The following MYO1F variants were observed in gnomAD, a reference collection of about 807,000 sequenced individuals.
MYO1F encodes the protein myosin IF, also known as unconventional myosin-If.
In MYO1F, 60 loss-of-function variants were observed where a neutral mutation model predicts 146.6. That is an observed-to-expected ratio of 0.41 (90% CI 0.33 to 0.51). The LOEUF (loss-of-function observed/expected upper bound fraction) is 0.51. Among genes scored for constraint, MYO1F ranks in the 20% least tolerant of loss-of-function variants. MYO1F has a pLI of 0.25. For missense variants in MYO1F, 1,274 were observed against 1,534.3 expected (o/e 0.83, Z 2.83); for synonymous variants, 602 against 602.1 (o/e 1.00, Z 0.00).
At chr19:8,553,862 ACT>A (rs901428076) in intron 4 of MYO1F, among the ~76,000 whole-genome samples, 6 of 140,828 alleles carry the variant, frequency 4.3e-5, no homozygotes, top group African/African-American at 1.7e-4. Flanking sequence ...ACAGACTGAG[ACT>A]CTGTCACACA....
chr19:8,528,684 G>A (rs1972364409), intron 21 of MYO1F, among the ~76,000 whole-genome samples: 2 of 152,196 alleles, frequency 1.3e-5, no homozygotes, highest in African/African-American at 4.8e-5. Flanking sequence ...GGCACCTGCT[G>A]GACATGGGTT....
In MYO1F at chr19:8,550,609, A is replaced by G. The variant is rs1238171207; in HGVS notation, c.857T>C (p.Ile286Thr). 6 of 1,614,086 alleles carry G rather than the reference A, an allele frequency of 3.7e-6. No homozygotes were observed. Among genetic ancestry groups the G allele is most frequent in the Non-Finnish European group, 4.2e-6 (5 of 1,180,022 alleles). The change falls in exon 9 of 28, where the codon ATC (isoleucine) becomes ACC (threonine). Residue 286 changes from isoleucine to threonine, a missense_variant. By Grantham distance (89) the Ile-to-Thr change is moderately conservative (BLOSUM62 -1). Transcript: ENST00000644032. ...LVAGILHLGN[I>T]SFCEDGNYAR... ...GTAATTCCCGTCTTCACAGAAACTG[A>G]TGTTCCCCAGGTGCAAGATCCCCGC...
intron 14 of MYO1F, chr19:8,544,036 C>CGGTGCT (rs1362923892): frequency 1.1e-5 from 3 of 270,304 alleles, no homozygotes; most frequent in African/African-American, 6.7e-5. Flanking sequence ...GTGGCGGTGG[C>CGGTGCT]GGTGCTGGTG....
chr19:8,547,990 C>CCCCCCCCCCCCCCGGT, intron 12 of MYO1F, 46 bp downstream of exon 12: 3 of 1,112,568 alleles, frequency 2.7e-6, no homozygotes, highest in African/African-American at 1.6e-5. Context: ...CCTTCCACCC[C>CCCCCCCCCCCCCCGGT]ACCCCCACCC....
chr19:8,563,148 T>C (rs2041936776), intron 1 of MYO1F, among the ~76,000 whole-genome samples: 1 of 149,598 alleles, frequency 6.7e-6, no homozygotes, highest in South Asian at 2.1e-4. Context: ...CCTGCCACCA[T>C]GCCTGGCTAA....
At chr19:8,540,764 A>T (rs371386719) in intron 15 of MYO1F, among the ~76,000 whole-genome samples, 4 of 151,844 alleles carry the variant, frequency 2.6e-5, no homozygotes, top group Non-Finnish European at 4.4e-5. Context: ...AATTCTGTGA[A>T]TTTGCTAAAC....
chr19:8,521,156 C>A lies in MYO1F; in HGVS notation c.*372G>T, dbSNP rs1248052052. ...ATTGCCTTAGTGATGACAGAATGAG[C>A]AAAGTCACGCTTGTTAAGGACCCCC... On this transcript the variant is annotated 3_prime_UTR_variant, in exon 28 of 28. Coordinates refer to ENST00000644032, the MANE Select transcript of MYO1F (RefSeq NM_012335.4). 5.7e-6 allele frequency: 2 copies of A among 351,104 alleles called. No individual in the cohort carries two copies. Among genetic ancestry groups the A allele is most frequent in the African/African-American group, 4.2e-5 (2 of 47,270 alleles). 21.7% of individuals were successfully genotyped at this position (351,104 alleles called of 1,614,324 possible).
Position 8,577,303 on chromosome 19 carries a change from T to G in MYO1F, c.3+4A>C, listed in dbSNP as rs2042255577. 6.2e-7 allele frequency: 1 copy of G among 1,613,868 alleles called. No individual in the cohort carries two copies. Among genetic ancestry groups the G allele is most frequent in the East Asian group, 2.2e-5 (1 of 44,872 alleles). Reference sequence around the variant, plus strand: ...CTTCCAGATCCCACCCTTGAAGGACTTACCATGGTGGGGGGCTGGTGTCTG... The same window carrying G: ...CTTCCAGATCCCACCCTTGAAGGACGTACCATGGTGGGGGGCTGGTGTCTG... On this transcript the variant is annotated splice_donor_region_variant and intron_variant, in intron 1 of 27. Coordinates refer to ENST00000644032, the MANE Select transcript of MYO1F (RefSeq NM_012335.4). This position sits in a 1 kb window ranked among gnomAD's most constrained non-coding sequence, Gnocchi z 4.3.
At chr19:8,526,699 G>C (rs1191504562) in intron 23 of MYO1F, 90 bp downstream of exon 23, 6 of 1,533,040 alleles carry the variant, frequency 3.9e-6, no homozygotes, top group Non-Finnish European at 5.3e-6. Flanking sequence ...GGCCGGGGCC[G>C]AAGCGCAGTT....
chr19:8,569,471 T>C (rs2042069939), intron 1 of MYO1F, among the ~76,000 whole-genome samples: 1 of 151,792 alleles, frequency 6.6e-6, no homozygotes, highest in African/African-American at 2.4e-5. Context: ...GGGCTGTTTG[T>C]GGTGAAGGTG....
chr19:8,528,323 T>C (rs570209179), intron 21 of MYO1F, among the ~76,000 whole-genome samples: 35 of 152,088 alleles, frequency 2.3e-4, no homozygotes, highest in African/African-American at 8.4e-4. Context: ...GGTCAGAAGA[T>C]TGAGACCATC....
rs1002998159 is a variant in MYO1F, at chr19:8,540,175, G to C, written c.1611-147C>G. Reference sequence around the variant, plus strand: ...AGCTGTGATGGGTGAGATGCAGAGGGTTGGTTTTTTGGTTTGTTTTTTGAG... The same window carrying C: ...AGCTGTGATGGGTGAGATGCAGAGGCTTGGTTTTTTGGTTTGTTTTTTGAG... On this transcript the variant is annotated intron_variant, in intron 15 of 27. Coordinates refer to ENST00000644032, the MANE Select transcript of MYO1F (RefSeq NM_012335.4). 5 of 632,200 alleles carry C rather than the reference G, an allele frequency of 7.9e-6. No homozygotes were observed. In the African/African-American group the frequency reaches 9.2e-5, roughly 12 times the overall value. The allele number at this position is 632,200 out of a possible 1,614,324, so 39.2% of individuals were successfully genotyped here. A position where few individuals can be genotyped will look rare whatever the true frequency, so the allele number is the denominator to read the frequency against.
chr19:8,535,379 T>G (rs982102534), intron 19 of MYO1F, among the ~76,000 whole-genome samples: 1 of 152,228 alleles, frequency 6.6e-6, no homozygotes, highest in African/African-American at 2.4e-5. Context: ...CTGAAATTTT[T>G]GTCTAAATTA....
rs56053232 is a variant in MYO1F at position 8,527,180 on chromosome 19, G to A, written c.2474+158C>T. On this transcript the variant is annotated intron_variant, in intron 22 of 27. Coordinates refer to ENST00000644032, the MANE Select transcript of MYO1F (RefSeq NM_012335.4). ...GAAGGATTTGGCATCTAAGGATCAT[G>A]AGCATAGGGGGCAGGTGAACATGAC... Among the ~76,000 whole-genome samples, 556 of 152,178 alleles carry A rather than the reference G, an allele frequency of 3.7e-3. 7 individuals carry two copies. Among genetic ancestry groups the A allele is most frequent in the African/African-American group, 0.013 (528 of 41,528 alleles).
At chr19:8,553,022 G>T in intron 6 of MYO1F, 117 bp downstream of exon 6, 2 of 996,022 alleles carry the variant, frequency 2.0e-6, no homozygotes, top group Non-Finnish European at 3.2e-6. Context: ...GGTATTTCCT[G>T]CTGGGTTTTC....
chr19:8,568,422 C>CAAAA lies in MYO1F; in HGVS notation c.3+8881_3+8884dup, dbSNP rs55833513. On this transcript the variant is annotated intron_variant, in intron 1 of 27. Coordinates refer to ENST00000644032, the MANE Select transcript of MYO1F (RefSeq NM_012335.4). The stretch of plus-strand genomic sequence containing the variant: ...TGGGTGAAAGAGTGAGACTCCGTCT[C>CAAAA]AAAAAAAAAAAAAAAAAAAAAAATT... 4.8e-3 allele frequency among the ~76,000 whole-genome samples: 319 copies of CAAAA among 66,422 alleles called. 25 individuals carry two copies. Among genetic ancestry groups the CAAAA allele is most frequent in the African/African-American group, 0.019 (270 of 14,368 alleles). The allele number at this position is 66,422 out of a possible 152,430, so 43.6% of individuals were successfully genotyped here.
rs369359209 is a variant in MYO1F at position 8,540,003 on chromosome 19, C to T, written c.1636G>A (p.Glu546Lys). 2.9e-5 allele frequency: 47 copies of T among 1,611,584 alleles called. No individual in the cohort carries two copies. Among genetic ancestry groups the T allele is most frequent in the African/African-American group, 1.6e-4 (12 of 74,832 alleles). Reference protein sequence around the residue: ...EQAFLRMLFPEKLDGDKKGRP... With the variant: ...EQAFLRMLFPKKLDGDKKGRP... ...CCCTTCTTGTCTCCATCCAGCTTCT[C>T]GGGGAAGAGCATCCGGAGGAAGGCC... Residue 546 changes from glutamate to lysine, a missense_variant, in exon 16 of 28, where the codon GAG becomes AAG. Transcript: ENST00000644032.
chr19:8,542,309 G>A (rs993880962), intron 14 of MYO1F, among the ~76,000 whole-genome samples: 1 of 140,814 alleles, frequency 7.1e-6, no homozygotes, highest in African/African-American at 2.6e-5. Context: ...AGGCCGGGGG[G>A]CGGTGAAAGT....
intron 8 of MYO1F, among the ~76,000 whole-genome samples, chr19:8,551,092 C>G (rs1973586182): frequency 6.6e-6 from 1 of 150,756 alleles, no homozygotes; most frequent in African/African-American, 2.5e-5. Context: ...CACTCTTTCA[C>G]CCAGGCGGGA....
Sources: allele counts gnomAD v4.1 joint callset (sites outside exome capture counted in the v4.1 genomes callset), GRCh38; gene constraint gnomAD v4.1.1; non-coding constraint Gnocchi (gnomAD v3.1); transcripts MANE v1.5; gene names NCBI Gene and HGNC (gene_info 2026-07-23, HGNC 2026-07-21).